Variants in GTF2A1L observed in about 807,000 individuals in gnomAD.
GTF2A1L encodes general transcription factor IIA subunit 1 like.
In GTF2A1L, 48 loss-of-function variants were observed where a neutral mutation model predicts 49.7. The observed-to-expected ratio is 0.97, with a 90% CI of 0.77 to 1.23. The LOEUF is 1.23. GTF2A1L is among the 50% of genes most tolerant of loss of function. GTF2A1L has a pLI of 0.00. For missense variants in GTF2A1L, 736 were observed against 564.8 expected (o/e 1.30, Z -3.07); for synonymous variants, 246 against 193.5 (o/e 1.27, Z -2.25).
In GTF2A1L at chr2:48,637,563, A is replaced by AAGCAAG. The variant is rs201410106; in HGVS notation, c.248-4838_248-4837insGCAAGA. Among the ~76,000 whole-genome samples, 1,125 of 152,322 alleles carry AAGCAAG rather than the reference A, an allele frequency of 7.4e-3. 24 individuals carry two copies. Among genetic ancestry groups the AAGCAAG allele is most frequent in the African/African-American group, 0.025 (1,021 of 41,572 alleles). ...AAGAACGTAACATCACAATTGAAAG[A>AAGCAAG]ATCAGAGAAGCAAGAACACTTCAGC... On this transcript the variant is annotated intron_variant, in intron 3 of 8. Transcript: ENST00000403751.
At chr2:48,659,866 T>A (rs1372584079) in intron 6 of GTF2A1L, among the ~76,000 whole-genome samples, 3 of 152,196 alleles carry the variant, frequency 2.0e-5, no homozygotes, top group Non-Finnish European at 1.5e-5. Flanking sequence ...AGTTTGTTTT[T>A]GTGTGTCTGT....
At chr2:48,664,610 T>A (rs951921719) in intron 6 of GTF2A1L, among the ~76,000 whole-genome samples, 1 of 152,154 alleles carries the variant, frequency 6.6e-6, no homozygotes, top group Non-Finnish European at 1.5e-5. Flanking sequence ...TGTTTTCTGA[T>A]AGAGTTTTTA....
chr2:48,618,403 C>T (rs761059335), intron 1 of GTF2A1L, among the ~76,000 whole-genome samples: 3 of 152,192 alleles, frequency 2.0e-5, no homozygotes, highest in Non-Finnish European at 4.4e-5. Context: ...CATTACCCTC[C>T]TACCTCTAAC....
At chr2:48,659,336 G>A (rs1206136534) in intron 6 of GTF2A1L, among the ~76,000 whole-genome samples, 1 of 152,052 alleles carries the variant, frequency 6.6e-6, no homozygotes, top group Non-Finnish European at 1.5e-5. Flanking sequence ...ATATTTGATT[G>A]CTTTACATAA....
chr2:48,664,648 T>C (rs1360312764), intron 6 of GTF2A1L, among the ~76,000 whole-genome samples: 2 of 152,150 alleles, frequency 1.3e-5, no homozygotes, highest in Non-Finnish European at 2.9e-5. Context: ...TTTTTCCTTG[T>C]GGGAAGGTTT....
In GTF2A1L at chr2:48,656,348, G is replaced by GTTTTTTTTTTTTTT. The variant is rs367837291; in HGVS notation, c.978+9322_978+9335dup. Reference sequence around the variant, plus strand: ...ATATCCCCACCAACGCTTATTTTCTGTTTTTTTTTTTTTTTTTTTTTTTTT... The same window carrying GTTTTTTTTTTTTTT: ...ATATCCCCACCAACGCTTATTTTCTGTTTTTTTTTTTTTTTTTTTTTTTTTTTTTTTTTTTTTTT... On this transcript the variant is annotated intron_variant, in intron 6 of 8. Transcript: ENST00000403751. 3.5e-5 allele frequency among the ~76,000 whole-genome samples: 4 copies of GTTTTTTTTTTTTTT among 114,560 alleles called. 1 individual carries two copies. Among genetic ancestry groups the GTTTTTTTTTTTTTT allele is most frequent in the African/African-American group, 1.4e-4 (4 of 28,678 alleles). The allele number at this position is 114,560 out of a possible 152,430, so 75.2% of individuals were successfully genotyped here.
chr2:48,621,067 C>T, intron 2 of GTF2A1L, 100 bp from the exon 3 acceptor site: 1 of 1,510,864 alleles, frequency 6.6e-7, no homozygotes, highest in East Asian at 2.4e-5. Flanking sequence ...TTCATTGTGC[C>T]ATCAGGATGA....
chr2:48,664,743 G>A (rs1344054256), intron 6 of GTF2A1L, among the ~76,000 whole-genome samples: 1 of 151,826 alleles, frequency 6.6e-6, no homozygotes, highest in East Asian at 1.9e-4. Context: ...TTCTTGCAAT[G>A]GATTTATCCA....
At chr2:48,671,480 A>G in intron 7 of GTF2A1L, 111 bp from the exon 8 acceptor site, 4 of 1,101,452 alleles carry the variant, frequency 3.6e-6, no homozygotes, top group Non-Finnish European at 5.1e-6. Flanking sequence ...CTGGGATTAT[A>G]GGAATGAGCC....
At chr2:48,671,558 A>G (rs1178683973) in intron 7 of GTF2A1L, 33 bp from the exon 8 acceptor site, 1 of 1,596,068 alleles carries the variant, frequency 6.3e-7, no homozygotes, top group South Asian at 1.1e-5. Flanking sequence ...AAGCATCATA[A>G]AATTCCTTAA....
At chr2:48,667,143 G>C (rs1678894503) in intron 6 of GTF2A1L, among the ~76,000 whole-genome samples, 1 of 146,862 alleles carries the variant, frequency 6.8e-6, no homozygotes, top group Non-Finnish European at 1.5e-5. Flanking sequence ...ATTTTTTGTA[G>C]AGATGGGATC....
At position 48,646,911 on chromosome 2, in the gene GTF2A1L, C is replaced by T; in HGVS notation, c.847C>T (p.Pro283Ser). 1 of 1,614,134 alleles carries T rather than the reference C, an allele frequency of 6.2e-7. No homozygotes were observed. Among genetic ancestry groups the T allele is most frequent in the Non-Finnish European group, 8.5e-7 (1 of 1,180,012 alleles). Reference protein sequence around the residue: ...NLHDESLSTSPHGALHQHVTD... With the variant: ...NLHDESLSTSSHGALHQHVTD... ...GCATGATGAGTCCCTCTCCACAAGC[C>T]CTCATGGGGCTCTCCACCAGCACGT... Residue 283 changes from proline (P) to serine (S), a missense_variant, in exon 6 of 9, where the codon CCT (proline) becomes TCT (serine). Physicochemically the swap from Pro to Ser is moderately conservative, Grantham distance 74. Transcript: ENST00000403751.
chr2:48,650,297 C>T (rs187903742), intron 6 of GTF2A1L, among the ~76,000 whole-genome samples: 5 of 152,006 alleles, frequency 3.3e-5, no homozygotes, highest in African/African-American at 7.2e-5. Flanking sequence ...ATGATCAAAT[C>T]ATTGGGCCAT....
At chr2:48,657,875 A>G (rs1426930771) in intron 6 of GTF2A1L, among the ~76,000 whole-genome samples, 4 of 151,540 alleles carry the variant, frequency 2.6e-5, no homozygotes, top group Admixed American at 2.6e-4. Context: ...ACATTTTTTC[A>G]TATGTTTGTT....
intron 3 of GTF2A1L, among the ~76,000 whole-genome samples, chr2:48,626,683 C>T (rs1376492142): frequency 1.4e-5 from 2 of 143,804 alleles, no homozygotes; most frequent in African/African-American, 4.9e-5. Context: ...AGCCATTCTC[C>T]CACCTCGGAC....
intron 3 of GTF2A1L, among the ~76,000 whole-genome samples, chr2:48,640,154 C>G (rs1323286438): frequency 6.6e-6 from 1 of 152,128 alleles, no homozygotes; most frequent in Non-Finnish European, 1.5e-5. Flanking sequence ...CCTCAAAGAG[C>G]TAAAAGCAGA....
At chr2:48,641,096 T>TC (rs574358612) in intron 3 of GTF2A1L, among the ~76,000 whole-genome samples, 61 of 152,316 alleles carry the variant, frequency 4.0e-4, no homozygotes, top group African/African-American at 1.4e-3. Context: ...TGCTATTTTT[T>TC]CTCAAGGAAT....
chr2:48,646,619 A>G lies in GTF2A1L; in HGVS notation c.555A>G (p.Glu185=). The change falls in exon 6 of 9, where the codon GAA becomes GAG. Residue 185 remains glutamate, a synonymous_variant. Coordinates refer to ENST00000403751, the MANE Select transcript of GTF2A1L (RefSeq NM_006872.5). ...CATGGTCTCTTCAAGCAACTACTGA[A>G]AAATCACAGAGAATTGAAACCGTGC... The part of the protein sequence containing the change: ...LNPWSLQATT[E]KSQRIETVLQ... The G allele has an allele frequency of 6.2e-7, 1 of 1,614,158 alleles. No individual in the cohort carries two copies.
intron 6 of GTF2A1L, among the ~76,000 whole-genome samples, chr2:48,659,002 C>G (rs930478612): frequency 6.6e-6 from 1 of 152,056 alleles, no homozygotes; most frequent in South Asian, 2.1e-4. Flanking sequence ...CTTTAAGATG[C>G]TAGAAATAGG....
Sources: gnomAD v4.1 joint callset for allele counts (sites outside exome capture counted in the v4.1 genomes callset) on GRCh38, gnomAD v4.1.1 for gene constraint, MANE v1.5 for transcripts, NCBI Gene and HGNC (gene_info 2026-07-23, HGNC 2026-07-21) for gene names.